The following LGMN variants were observed in gnomAD, a reference collection of about 807,000 sequenced individuals.
LGMN encodes the protein asparaginyl endopeptidase.
LGMN carries 36 observed loss-of-function variants against 56.8 expected under a neutral mutation model. That is an observed-to-expected ratio of 0.63 (90% CI 0.49 to 0.84). The LOEUF (loss-of-function observed/expected upper bound fraction) is 0.84, where lower values mean the gene tolerates loss of function less well. LGMN is among the 40% of genes least tolerant of loss of function. The pLI is 0.00. For missense variants in LGMN, 446 were observed against 556.1 expected, an observed-to-expected ratio of 0.80 and a Z score of 1.99; for synonymous variants, 199 against 210.1, an observed-to-expected ratio of 0.95 and a Z score of 0.46.
At chr14:92,707,990 A>G (rs1326764542) in intron 11 of LGMN, among the ~76,000 whole-genome samples, 3 of 152,174 alleles carry the variant, frequency 2.0e-5, no homozygotes, top group African/African-American at 7.2e-5. Flanking sequence ...CGTCTCTACT[A>G]AAAATACAAA....
chr14:92,716,900 A>C (rs551488754), intron 4 of LGMN, among the ~76,000 whole-genome samples: 9 of 152,316 alleles, frequency 5.9e-5, no homozygotes, highest in Admixed American at 2.0e-4. Context: ...GTCTCAATCA[A>C]CTAGGAGGAA....
chr14:92,719,498 T>C (rs1890351203), intron 2 of LGMN, among the ~76,000 whole-genome samples: 1 of 152,124 alleles, frequency 6.6e-6, no homozygotes, highest in South Asian at 2.1e-4. Context: ...TATATAATAG[T>C]CTCTGGAAAG....
chr14:92,709,658 T>C lies in LGMN; in HGVS notation c.1020+14A>G. 2 of 1,611,032 alleles carry C rather than the reference T, an allele frequency of 1.2e-6. No homozygotes were observed. The highest frequency in any genetic ancestry group is 1.7e-6 in the Non-Finnish European group (2 of 1,178,516). On this transcript the variant is annotated intron_variant, in intron 11 of 13. Transcript: ENST00000334869. ...GGACAGCACCTGGGCACAGCTCCTT[T>C]CACCACTACTCACATCCAGATGCCG...
chr14:92,740,337 T>C (rs1029361844), intron 1 of LGMN, among the ~76,000 whole-genome samples: 3 of 152,218 alleles, frequency 2.0e-5, no homozygotes, highest in Non-Finnish European at 4.4e-5. Context: ...TTATCTACTA[T>C]GGACCACACA....
At chr14:92,731,804 G>A (rs2140261261) in intron 2 of LGMN, among the ~76,000 whole-genome samples, 1 of 152,204 alleles carries the variant, frequency 6.6e-6, no homozygotes, top group South Asian at 2.1e-4. Context: ...CTCTCTTAAG[G>A]ACATACTTAG....
At chr14:92,748,401 TGAGGTC>T (rs1157156705) in intron 1 of LGMN, 82 bp downstream of exon 1, 1 of 152,920 alleles carries the variant, frequency 6.5e-6, no homozygotes, top group Non-Finnish European at 1.5e-5. Context: ...ATCCCAGCCC[TGAGGTC>T]GAGAGCCTGA....
In LGMN at chr14:92,711,713, G is replaced by A. The variant is rs79243037; in HGVS notation, c.765C>T (p.Tyr255=). 3,856 of 1,614,204 alleles carry A rather than the reference G, an allele frequency of 2.4e-3. 74 individuals are homozygous for A. The African/African-American group carries it at 0.043, about 18-fold the overall frequency. Reference sequence around the variant, plus strand: ...TGTTGGTGTGCGATTTTACCAGGTGGTACTGCTTGTGCAGGGTCTCTTTAG... The same window carrying A: ...TGTTGGTGTGCGATTTTACCAGGTGATACTGCTTGTGCAGGGTCTCTTTAG... ...DLTKETLHKQ[Y]HLVKSHTNTS... is the part of the protein sequence containing the mutation. The change falls in exon 10 of 14, where the codon TAC becomes TAT. Residue 255 remains tyrosine, a synonymous_variant. Transcript: ENST00000334869.
intron 2 of LGMN, among the ~76,000 whole-genome samples, chr14:92,721,276 A>T (rs751188190): frequency 6.6e-6 from 1 of 152,170 alleles, no homozygotes; most frequent in Non-Finnish European, 1.5e-5. Flanking sequence ...TGTAAGAAAG[A>T]TTCAACTGAC....
chr14:92,719,350 A>ACCG (rs1890332449), intron 2 of LGMN, among the ~76,000 whole-genome samples: 4 of 124,338 alleles, frequency 3.2e-5, no homozygotes, highest in South Asian at 2.6e-4. Flanking sequence ...CACCGCCACC[A>ACCG]CCACCAACAC....
At chr14:92,710,115 C>T (rs1262897854) in intron 10 of LGMN, among the ~76,000 whole-genome samples, 1 of 152,168 alleles carries the variant, frequency 6.6e-6, no homozygotes, top group African/African-American at 2.4e-5. Flanking sequence ...CACGGGAGCC[C>T]CTGAAATCTA....
chr14:92,708,256 C>T (rs532796057), intron 11 of LGMN, among the ~76,000 whole-genome samples: 32 of 151,818 alleles, frequency 2.1e-4, no homozygotes, highest in Non-Finnish European at 4.1e-4. Context: ...TATCAATAGA[C>T]ATAACCCACC....
intron 8 of LGMN, 24 bp downstream of exon 8, chr14:92,712,781 G>A (rs920975174): frequency 6.2e-6 from 10 of 1,611,198 alleles, no homozygotes; most frequent in South Asian, 1.1e-5. Flanking sequence ...AGCCCAGGTC[G>A]AGGCCGGCGC....
intron 1 of LGMN, among the ~76,000 whole-genome samples, chr14:92,733,031 C>T (rs1458787613): frequency 6.6e-6 from 1 of 151,822 alleles, no homozygotes; most frequent in African/African-American, 2.4e-5. Flanking sequence ...TACCTATAAT[C>T]CCAGCTACTC....
At chr14:92,717,814 C>A (rs1890147770) in intron 3 of LGMN, among the ~76,000 whole-genome samples, 1 of 152,180 alleles carries the variant, frequency 6.6e-6, no homozygotes, top group South Asian at 2.1e-4. Flanking sequence ...AGAGACAGGA[C>A]AGAGAACAAG....
At chr14:92,727,515 T>C (rs1890799886) in intron 2 of LGMN, among the ~76,000 whole-genome samples, 1 of 148,316 alleles carries the variant, frequency 6.7e-6, no homozygotes, top group Non-Finnish European at 1.5e-5. Context: ...GTCTCCACAC[T>C]CTTTCAAACC....
At chr14:92,710,074 G>A (rs1889678594) in intron 10 of LGMN, among the ~76,000 whole-genome samples, 1 of 152,112 alleles carries the variant, frequency 6.6e-6, no homozygotes, top group African/African-American at 2.4e-5. Context: ...AGTCTGAAAG[G>A]CATGGTCACC....
intron 1 of LGMN, among the ~76,000 whole-genome samples, chr14:92,745,402 A>G (rs1242367911): frequency 6.6e-6 from 1 of 152,210 alleles, no homozygotes; most frequent in African/African-American, 2.4e-5. Context: ...AAATGTACAA[A>G]GAATAACATA....
At chr14:92,742,686 G>A (rs546143652) in intron 1 of LGMN, among the ~76,000 whole-genome samples, 8 of 152,282 alleles carry the variant, frequency 5.3e-5, no homozygotes, top group African/African-American at 1.9e-4. Flanking sequence ...GCTAGAGCCT[G>A]GAAGTTTGGG....
At chr14:92,723,207 T>C (rs935473814) in intron 2 of LGMN, among the ~76,000 whole-genome samples, 2 of 151,976 alleles carry the variant, frequency 1.3e-5, no homozygotes, top group African/African-American at 4.8e-5. Flanking sequence ...CCACCACACC[T>C]GGCTAATTTT....
Sources: allele counts gnomAD v4.1 joint callset (sites outside exome capture counted in the v4.1 genomes callset), GRCh38; gene constraint gnomAD v4.1.1; transcripts MANE v1.5; gene names NCBI Gene and HGNC (gene_info 2026-07-23, HGNC 2026-07-21).